Variants in KIAA0513 observed in about 807,000 individuals in gnomAD.
The protein encoded by KIAA0513 is KIAA0513, also known as uncharacterized protein KIAA0513.
In KIAA0513, 39 loss-of-function variants were observed where a neutral mutation model predicts 56.5. The ratio of observed to expected loss-of-function variants is 0.69; its 90% CI spans 0.53 to 0.90. KIAA0513 has a LOEUF of 0.90. Ranked by LOEUF, KIAA0513 falls within the 40% of genes least tolerant of loss-of-function variation. KIAA0513 has a pLI of 0.00. For missense variants in KIAA0513, 591 were observed against 535.2 expected, an observed-to-expected ratio of 1.10 and a Z score of -1.03; for synonymous variants, 268 against 215.6, an observed-to-expected ratio of 1.24 and a Z score of -2.13.
chr16:85,038,903 G>T (rs2073070217), intron 1 of KIAA0513, among the ~76,000 whole-genome samples: 1 of 152,168 alleles, frequency 6.6e-6, no homozygotes, highest in Non-Finnish European at 1.5e-5. Flanking sequence ...ACATTCATGG[G>T]CTCAAGGGCC....
At chr16:85,049,197 A>C (rs1040214370) in intron 1 of KIAA0513, among the ~76,000 whole-genome samples, 34 of 152,232 alleles carry the variant, frequency 2.2e-4, no homozygotes, top group African/African-American at 6.8e-4. Context: ...AGGGACAGAC[A>C]CTAGTGGCTC....
chr16:85,057,196 T>C lies in KIAA0513; in HGVS notation c.-172-9704T>C, dbSNP rs532880347. Among the ~76,000 whole-genome samples, 30 of 152,326 alleles carry C rather than the reference T, an allele frequency of 2.0e-4. No individual in the cohort carries two copies. In the South Asian group the frequency reaches 5.4e-3, roughly 27 times the overall value. On this transcript the variant is annotated intron_variant, in intron 1 of 12. Transcript: ENST00000683363. ...ATTGTAAACCCCCTGTGGTCAGGAA[T>C]TGTGGCGTGTACACTTTCATGCAGC... is the stretch of plus-strand genomic sequence containing the variant.
intron 1 of KIAA0513, among the ~76,000 whole-genome samples, chr16:85,055,768 T>A (rs189215185): frequency 1.5e-3 from 234 of 152,314 alleles, no homozygotes; most frequent in African/African-American, 5.3e-3. Context: ...CCCAGCCTGT[T>A]ATCTTGGTTT....
At chr16:85,054,256 C>T (rs1483202558) in intron 1 of KIAA0513, among the ~76,000 whole-genome samples, 1 of 152,052 alleles carries the variant, frequency 6.6e-6, no homozygotes, top group East Asian at 1.9e-4. Flanking sequence ...TTTAGAATTA[C>T]TTAGACATAG....
intron 7 of KIAA0513, 69 bp downstream of exon 7, chr16:85,078,524 C>G: frequency 6.7e-7 from 1 of 1,493,096 alleles, no homozygotes; most frequent in Non-Finnish European, 9.2e-7. Context: ...CAAGCAGGTG[C>G]ACGGCCTCTG....
chr16:85,061,151 C>T (rs1359380435), intron 1 of KIAA0513, among the ~76,000 whole-genome samples: 6 of 149,490 alleles, frequency 4.0e-5, no homozygotes, highest in Non-Finnish European at 8.9e-5. Flanking sequence ...AGTGAGTCTC[C>T]GTCTCAAAAA....
Position 85,042,139 on chromosome 16 carries a change from A to C in KIAA0513, c.-173+14281A>C, listed in dbSNP as rs200027901. On this transcript the variant is annotated intron_variant, in intron 1 of 12. Transcript: ENST00000683363. ...ATTCTCTTATAATTATTGTAATAAC[A>C]TTCAACTCTTTTCTTTTGGCAGCGA... Among the ~76,000 whole-genome samples, 12 of 152,348 alleles carry C rather than the reference A, an allele frequency of 7.9e-5. No individual in the cohort carries two copies. The East Asian group carries it at 1.5e-3, about 20-fold the overall frequency.
chr16:85,031,408 C>T (rs2072962744), intron 1 of KIAA0513, among the ~76,000 whole-genome samples: 3 of 152,226 alleles, frequency 2.0e-5, no homozygotes, highest in South Asian at 4.1e-4. Flanking sequence ...CAGTTGAGCC[C>T]CAGAGGTGGA....
chr16:85,029,897 G>A (rs578050398), intron 1 of KIAA0513, among the ~76,000 whole-genome samples: 1 of 152,238 alleles, frequency 6.6e-6, no homozygotes, highest in African/African-American at 2.4e-5. Context: ...CCATGTCATA[G>A]ATGAGGAAAC....
intron 1 of KIAA0513, among the ~76,000 whole-genome samples, chr16:85,060,961 C>G (rs956934021): frequency 6.6e-6 from 1 of 151,898 alleles, no homozygotes; most frequent in African/African-American, 2.4e-5. Context: ...CGAGACCAAC[C>G]TGGCCAACAT....
intron 4 of KIAA0513, among the ~76,000 whole-genome samples, chr16:85,075,268 C>G (rs1263942419): frequency 3.3e-5 from 5 of 151,930 alleles, no homozygotes; most frequent in South Asian, 2.1e-4. Flanking sequence ...TAATAATTGT[C>G]CAAGGTTAAA....
intron 7 of KIAA0513, among the ~76,000 whole-genome samples, 198 bp from the exon 8 acceptor site, chr16:85,078,727 C>G (rs2073696853): frequency 6.6e-6 from 1 of 152,244 alleles, no homozygotes; most frequent in South Asian, 2.1e-4. Flanking sequence ...GGAACCATCC[C>G]TCAGAAGAAG....
Position 85,067,295 on chromosome 16 carries a change from A to G in KIAA0513, c.224A>G (p.Asn75Ser), listed in dbSNP as rs141719983. The G allele has an allele frequency of 2.5e-6, 4 of 1,613,640 alleles. No individual in the cohort carries two copies. The highest frequency in any genetic ancestry group is 1.3e-5 in the African/African-American group (1 of 75,046). The change falls in exon 2 of 13, where the codon AAC becomes AGC. Residue 75 changes from asparagine (N) to serine (S), a missense_variant. Physicochemically the swap from Asn to Ser is conservative, Grantham distance 46. Coordinates refer to ENST00000683363, the MANE Select transcript of KIAA0513 (RefSeq NM_001388359.1). ...SWDQDRRSSS[N>S]ESFSSNQSTE... Reference sequence around the variant, plus strand: ...GACCAAGACCGCCGTTCCTCCTCCAACGAGTCCTTCTCCTCCAACCAGAGC... The same window carrying G: ...GACCAAGACCGCCGTTCCTCCTCCAGCGAGTCCTTCTCCTCCAACCAGAGC...
At chr16:85,038,270 G>A (rs946189511) in intron 1 of KIAA0513, among the ~76,000 whole-genome samples, 1 of 152,204 alleles carries the variant, frequency 6.6e-6, no homozygotes, top group Non-Finnish European at 1.5e-5. Flanking sequence ...TGACCTCCCC[G>A]CTTTCTCCGG....
chr16:85,040,403 G>A (rs950080655), intron 1 of KIAA0513, among the ~76,000 whole-genome samples: 5 of 152,054 alleles, frequency 3.3e-5, no homozygotes, highest in East Asian at 1.9e-4. Flanking sequence ...GGTGGCTCAC[G>A]CCTGTAATCC....
At chr16:85,052,286 C>G (rs2073263970) in intron 1 of KIAA0513, among the ~76,000 whole-genome samples, 3 of 152,048 alleles carry the variant, frequency 2.0e-5, no homozygotes, top group Admixed American at 2.0e-4. Flanking sequence ...CGCCACTGCA[C>G]TCCAGCCTGG....
intron 1 of KIAA0513, among the ~76,000 whole-genome samples, chr16:85,038,014 T>C (rs1567520474): frequency 6.6e-6 from 1 of 152,162 alleles, no homozygotes; most frequent in Admixed American, 6.5e-5. Flanking sequence ...GTCATGGCAT[T>C]CCCCAGGTGT....
chr16:85,089,645 C>T lies in KIAA0513; in HGVS notation c.*1320C>T, dbSNP rs1276439962. On this transcript the variant is annotated 3_prime_UTR_variant, in exon 13 of 13. Transcript: ENST00000683363. The surrounding 1 kb of genome is among the most constrained non-coding windows in gnomAD (Gnocchi z 4.2). ...GAAATAGGCCCGCGGGGCTCTCCCT[C>T]CTCCTGCCATCCTCCCCTCCCGCCC... 1 of 152,602 alleles carries T rather than the reference C, an allele frequency of 6.6e-6. No homozygotes were observed. The highest frequency in any genetic ancestry group is 1.9e-4 in the East Asian group (1 of 5,184). The allele number at this position is 152,602 out of a possible 1,614,324, so 9.5% of individuals were successfully genotyped here.
intron 1 of KIAA0513, among the ~76,000 whole-genome samples, chr16:85,052,410 G>A (rs2073266248): frequency 6.6e-6 from 1 of 152,176 alleles, no homozygotes; most frequent in South Asian, 2.1e-4. Context: ...TACTCGGGAG[G>A]CTGAGGCACC....
Sources: allele counts gnomAD v4.1 joint callset (sites outside exome capture counted in the v4.1 genomes callset), GRCh38; gene constraint gnomAD v4.1.1; non-coding constraint Gnocchi (gnomAD v3.1); transcripts MANE v1.5; gene names NCBI Gene and HGNC (gene_info 2026-07-23, HGNC 2026-07-21).